MAX: variants seen among roughly 807,000 people sequenced by gnomAD.
The protein encoded by MAX is MYC associated transcriptional regulator X.
A neutral mutation model predicts 22.3 loss-of-function variants in MAX; 3 were observed. The observed-to-expected ratio is 0.13, with a 90% CI of 0.06 to 0.35. The LOEUF (loss-of-function observed/expected upper bound fraction) is 0.35, where lower values mean the gene tolerates loss of function less well. Among genes scored for constraint, MAX ranks in the 10% least tolerant of loss-of-function variants. The pLI is 1.00. For missense variants in MAX, 119 were observed against 209.4 expected (o/e 0.57, Z 2.66); for synonymous variants, 72 against 77.7 (o/e 0.93, Z 0.39).
chr14:65,036,695 C>T (rs1322445746), intron 3 of MAX, among the ~76,000 whole-genome samples: 1 of 148,490 alleles, frequency 6.7e-6, no homozygotes, highest in African/African-American at 2.4e-5. Flanking sequence ...GGCTTGGAAT[C>T]TTTATTCTTT....
rs2062961245 is a variant in MAX at position 65,069,154 on chromosome 14, G to C, written c.171+24554C>G. On this transcript the variant is annotated intron_variant, in intron 3 of 3. Coordinates refer to the MAX transcript ENST00000341653. The surrounding 1 kb of genome is among the most constrained non-coding windows in gnomAD (Gnocchi z 4.6). ...CTGGAGCAGTGGCTGCCATGTGCCTGGATACCAAGGGACCAGTGAAAGTGG... is the reference window on the plus strand; with the variant it reads ...CTGGAGCAGTGGCTGCCATGTGCCTCGATACCAAGGGACCAGTGAAAGTGG... Among the ~76,000 whole-genome samples, 1 of 152,188 alleles carries C rather than the reference G, an allele frequency of 6.6e-6. No homozygotes were observed. The highest frequency in any genetic ancestry group is 1.5e-5 in the Non-Finnish European group (1 of 68,026).
intron 3 of MAX, among the ~76,000 whole-genome samples, chr14:65,060,023 G>A (rs960909846): frequency 1.3e-5 from 2 of 151,030 alleles, no homozygotes; most frequent in Non-Finnish European, 3.0e-5. Flanking sequence ...TGTAGAGACG[G>A]GGTTTCACCA....
intron 3 of MAX, among the ~76,000 whole-genome samples, chr14:65,022,935 C>G (rs565067472): frequency 6.6e-6 from 1 of 152,134 alleles, no homozygotes; most frequent in South Asian, 2.1e-4. Flanking sequence ...CTATTTGTAC[C>G]TGTTGCATTT....
chr14:65,009,412 G>A lies in MAX; in HGVS notation c.172-3128C>T, dbSNP rs1447366791. Among the ~76,000 whole-genome samples, 1 of 151,986 alleles carries A rather than the reference G, an allele frequency of 6.6e-6. No homozygotes were observed. The highest frequency in any genetic ancestry group is 1.9e-4 in the East Asian group (1 of 5,192). The stretch of plus-strand genomic sequence containing the variant: ...TAGATTCCCTAACACACCCACCACC[G>A]TGGCCACTCCACAGCTCTCCCACCA... On this transcript the variant is annotated intron_variant, in intron 3 of 3. Coordinates refer to the MAX transcript ENST00000341653. The surrounding 1 kb of genome is among the most constrained non-coding windows in gnomAD (Gnocchi z 4.2).
chr14:65,097,912 T>A (rs2063715415), intron 2 of MAX, among the ~76,000 whole-genome samples: 2 of 152,238 alleles, frequency 1.3e-5, no homozygotes, highest in African/African-American at 2.4e-5. Context: ...TGTAGCTGAT[T>A]GCCTGGTATA....
intron 3 of MAX, among the ~76,000 whole-genome samples, chr14:65,033,598 CTG>C (rs199958103): frequency 0.011 from 1,648 of 152,314 alleles, 15 homozygotes; most frequent in Middle Eastern, 0.027. Context: ...TGGCTCACGC[CTG>C]TAATTCCAGC....
At chr14:65,015,546 T>G in intron 3 of MAX, 16 of 1,494,550 alleles carry the variant, frequency 1.1e-5, no homozygotes, top group African/African-American at 1.4e-5. Context: ...CTGCTGGGAG[T>G]GAGACAGATA....
chr14:65,061,331 G>C, intron 3 of MAX: 2 of 1,612,996 alleles, frequency 1.2e-6, no homozygotes, highest in Non-Finnish European at 8.5e-7. Flanking sequence ...GGTCCCGGCA[G>C]CTCTTTGCTC....
At chr14:65,008,495 A>G (rs1324205731) in intron 3 of MAX, among the ~76,000 whole-genome samples, 2 of 152,240 alleles carry the variant, frequency 1.3e-5, no homozygotes, top group Admixed American at 1.3e-4. Flanking sequence ...AATGAACACA[A>G]ATATACAGTT....
At chr14:65,099,546 AC>A (rs1424356312) in intron 2 of MAX, among the ~76,000 whole-genome samples, 30 of 151,676 alleles carry the variant, frequency 2.0e-4, no homozygotes, top group Middle Eastern at 3.4e-3. Context: ...AAACAAACAA[AC>A]AAACAAACAA....
intron 3 of MAX, among the ~76,000 whole-genome samples, chr14:65,061,019 A>C (rs1454045224): frequency 4.6e-5 from 7 of 152,030 alleles, no homozygotes; most frequent in Admixed American, 4.6e-4. Flanking sequence ...CCCATGTACT[A>C]GATAGTTTTA....
intron 3 of MAX, among the ~76,000 whole-genome samples, chr14:65,051,848 G>A (rs1159479261): frequency 6.7e-6 from 1 of 148,700 alleles, no homozygotes; most frequent in Non-Finnish European, 1.5e-5. Flanking sequence ...AGGCTGGAGT[G>A]CAGTGGTGTG....
chr14:65,019,311 AC>A (rs1595034297), intron 3 of MAX, among the ~76,000 whole-genome samples: 1 of 152,024 alleles, frequency 6.6e-6, no homozygotes, highest in East Asian at 1.9e-4. Context: ...ACATGGTGAA[AC>A]CCTGTCTCTA....
chr14:65,032,505 T>G lies in MAX; in HGVS notation c.172-26221A>C. 2 of 1,207,426 alleles carry G rather than the reference T, an allele frequency of 1.7e-6. No homozygotes were observed. The highest frequency in any genetic ancestry group is 2.7e-5 in the East Asian group (1 of 37,040). The allele number at this position is 1,207,426 out of a possible 1,614,324, so 74.8% of individuals were successfully genotyped here. A position where few individuals can be genotyped will look rare whatever the true frequency, so the allele number is the denominator to read the frequency against. On this transcript the variant is annotated intron_variant, in intron 3 of 3. Transcript: ENST00000341653. The surrounding 1 kb of genome is among the most constrained non-coding windows in gnomAD (Gnocchi z 5.0). Reference sequence around the variant, plus strand: ...GTGTGCCAAGAGTGAGGACAGGAGGTGATTACAGCTTACTAGGCAAGGCGA... The same window carrying G: ...GTGTGCCAAGAGTGAGGACAGGAGGGGATTACAGCTTACTAGGCAAGGCGA...
Position 65,076,988 on chromosome 14 carries a change from T to TA in MAX, c.296-326dup. Reference sequence around the variant, plus strand: ...CTCCCTGTGGGATTCAGCAGTGCAATAACAGAGGAGAAGCTGGCCCAGGAG... The same window carrying TA: ...CTCCCTGTGGGATTCAGCAGTGCAATAAACAGAGGAGAAGCTGGCCCAGGAG... On this transcript the variant is annotated intron_variant, in intron 4 of 4. Coordinates refer to ENST00000358664, the MANE Select transcript of MAX (RefSeq NM_002382.5). The surrounding 1 kb of genome is among the most constrained non-coding windows in gnomAD (Gnocchi z 6.6). 1 of 544,334 alleles carries TA rather than the reference T, an allele frequency of 1.8e-6. No individual in the cohort carries two copies. 33.7% of individuals were successfully genotyped at this position (544,334 alleles called of 1,614,324 possible).
In MAX at chr14:65,076,557, G is replaced by A. The variant is rs765370870; in HGVS notation, c.402C>T (p.Phe134=). 1.2e-5 allele frequency: 19 copies of A among 1,614,068 alleles called. No individual in the cohort carries two copies. Among genetic ancestry groups the A allele is most frequent in the East Asian group, 1.1e-4 (5 of 44,856 alleles). ...TNAKGSTISA[F]DGGSDSSSES... is the part of the protein sequence containing the mutation. The stretch of plus-strand genomic sequence containing the variant: ...CCGAGCTGGAGTCCGAGCCCCCATC[G>A]AAGGCAGAGATGGTGCTGCCCTTGG... Residue 134 remains phenylalanine, a synonymous_variant, in exon 5 of 5, where the codon TTC becomes TTT. Coordinates refer to ENST00000358664, the MANE Select transcript of MAX (RefSeq NM_002382.5). This position sits in a 1 kb window ranked among gnomAD's most constrained non-coding sequence, Gnocchi z 6.6.
At chr14:65,019,657 G>A (rs780588687) in intron 3 of MAX, among the ~76,000 whole-genome samples, 28 of 152,190 alleles carry the variant, frequency 1.8e-4, no homozygotes, top group Admixed American at 6.5e-4. Context: ...CTTCACAGAT[G>A]CCTTAAAAGC....
At position 65,084,836 on chromosome 14, in the gene MAX, T is replaced by G. The variant is rs889506294; in HGVS notation, c.172-6800A>C. 6.6e-6 allele frequency among the ~76,000 whole-genome samples: 1 copy of G among 152,222 alleles called. No individual in the cohort carries two copies. The highest frequency in any genetic ancestry group is 1.5e-5 in the Non-Finnish European group (1 of 68,044). On this transcript the variant is annotated intron_variant, in intron 3 of 4. Transcript: ENST00000358664. This position sits in a 1 kb window ranked among gnomAD's most constrained non-coding sequence, Gnocchi z 4.3. ...AGGAATACACAAATTGATAACACTA[T>G]ATTTCCTTGCTTGTTAGACTCCATC...
In MAX at chr14:65,029,570, A is replaced by G. The variant is rs943701939; in HGVS notation, c.172-23286T>C. Among the ~76,000 whole-genome samples the G allele has an allele frequency of 2.6e-5, 4 of 152,358 alleles. No homozygotes were observed. The East Asian group carries it at 7.7e-4, about 29-fold the overall frequency. ...CACTATTTTTTCTCAGTTCTTAAGA[A>G]AGGAGACCTCCTTTCTAGGTTATAT... On this transcript the variant is annotated intron_variant, in intron 3 of 3. Transcript: ENST00000341653. The surrounding 1 kb of genome is among the most constrained non-coding windows in gnomAD (Gnocchi z 4.7).
Sources: allele counts gnomAD v4.1 joint callset (sites outside exome capture counted in the v4.1 genomes callset), GRCh38; gene constraint gnomAD v4.1.1; non-coding constraint Gnocchi (gnomAD v3.1); transcripts MANE v1.5; gene names NCBI Gene and HGNC (gene_info 2026-07-23, HGNC 2026-07-21).